The following RBFOX1 variants were observed in gnomAD, a reference collection of about 807,000 sequenced individuals.
The protein encoded by RBFOX1 is RNA binding protein fox-1 homolog 1.
A neutral mutation model predicts 57.7 loss-of-function variants in RBFOX1; 8 were observed. That is an observed-to-expected ratio of 0.14 (90% CI 0.08 to 0.25). The LOEUF (loss-of-function observed/expected upper bound fraction) is 0.25, where lower values mean the gene tolerates loss of function less well. RBFOX1 is among the 10% of genes least tolerant of loss of function. The probability of loss-of-function intolerance (pLI) is 1.00; values close to 1 mark genes in which losing one functional copy is unlikely to be tolerated. For synonymous variants in RBFOX1, 326 were observed against 222.4 expected (o/e 1.47, Z -4.15); for missense variants, 611 against 548.5 (o/e 1.11, Z -1.14).
chr16:6,841,228 G>C (rs961014561), intron 3 of RBFOX1, among the ~76,000 whole-genome samples: 1 of 152,000 alleles, frequency 6.6e-6, no homozygotes. Flanking sequence ...TTATAATAAT[G>C]GTCAGTTATC....
At chr16:5,613,388 C>A (rs756705684) in intron 3 of RBFOX1, among the ~76,000 whole-genome samples, 1 of 152,112 alleles carries the variant, frequency 6.6e-6, no homozygotes, top group South Asian at 2.1e-4. Flanking sequence ...GTGGGTGCAA[C>A]GTTACCCTCA....
chr16:6,684,896 A>G (rs1186318523), intron 3 of RBFOX1, among the ~76,000 whole-genome samples: 1 of 152,202 alleles, frequency 6.6e-6, no homozygotes, highest in Non-Finnish European at 1.5e-5. Context: ...TTCTCTATAC[A>G]TACGAAGTCC....
chr16:6,613,816 T>G (rs569888656), intron 2 of RBFOX1, among the ~76,000 whole-genome samples: 2 of 152,304 alleles, frequency 1.3e-5, no homozygotes, highest in Non-Finnish European at 2.9e-5. Flanking sequence ...TGTGTGCCTG[T>G]AATCCCAGCT....
intron 1 of RBFOX1, among the ~76,000 whole-genome samples, chr16:6,189,125 A>G (rs976204917): frequency 6.6e-6 from 1 of 152,208 alleles, no homozygotes. Context: ...AAATGGTTCC[A>G]TTTTCCATCT....
intron 3 of RBFOX1, among the ~76,000 whole-genome samples, chr16:6,663,070 G>C (rs1412070968): frequency 6.6e-6 from 1 of 152,164 alleles, no homozygotes; most frequent in Non-Finnish European, 1.5e-5. Flanking sequence ...TTGTGTGCAG[G>C]AGGGAACCAG....
intron 4 of RBFOX1, among the ~76,000 whole-genome samples, chr16:7,515,100 G>A (rs8047825): frequency 0.93 from 140,931 of 152,162 alleles, 65,669 homozygotes; most frequent in Middle Eastern, 0.98. Context: ...CTCTGGCACA[G>A]TGAATTTCTC....
chr16:6,364,943 C>A (rs1238506754), intron 2 of RBFOX1, among the ~76,000 whole-genome samples: 1 of 152,076 alleles, frequency 6.6e-6, no homozygotes, highest in Admixed American at 6.5e-5. Flanking sequence ...GAGCGCCCTA[C>A]TTCTGTTCAA....
intron 10 of RBFOX1, among the ~76,000 whole-genome samples, chr16:7,611,129 T>C (rs77019581): frequency 0.018 from 2,811 of 152,326 alleles, 39 homozygotes; most frequent in Non-Finnish European, 0.03. Context: ...TTCTGAAGCT[T>C]ATGCAGAATT....
chr16:6,176,312 AAT>A (rs2097008121), intron 1 of RBFOX1, among the ~76,000 whole-genome samples: 1 of 126,620 alleles, frequency 7.9e-6, no homozygotes, highest in African/African-American at 3.3e-5. Flanking sequence ...TGCCTGACCA[AAT>A]TTTTTTTTTT....
At chr16:6,773,570 G>T (rs1470154269) in intron 3 of RBFOX1, among the ~76,000 whole-genome samples, 10 of 144,856 alleles carry the variant, frequency 6.9e-5, no homozygotes, top group Non-Finnish European at 1.3e-4. Flanking sequence ...GTGTATGTGT[G>T]GGTGTGGGGT....
intron 3 of RBFOX1, among the ~76,000 whole-genome samples, chr16:7,023,180 A>G (rs960526849): frequency 2.0e-5 from 3 of 152,098 alleles, no homozygotes; most frequent in Admixed American, 6.6e-5. Context: ...GGTAATGACC[A>G]TTATGAAATG....
chr16:6,014,914 GGT>G, upstream of RBFOX1, among the ~76,000 whole-genome samples: 1 of 150,958 alleles, frequency 6.6e-6, no homozygotes, highest in Admixed American at 6.6e-5. Context: ...GGAGTACAGT[GGT>G]GTGGTTGCAG....
At chr16:7,529,086 C>G (rs1600979441) in intron 5 of RBFOX1, among the ~76,000 whole-genome samples, 2 of 152,144 alleles carry the variant, frequency 1.3e-5, no homozygotes, top group Non-Finnish European at 2.9e-5. Context: ...TGGTGAAACC[C>G]TGTCTCGACA....
At chr16:7,015,160 C>G (rs560829169) in intron 3 of RBFOX1, among the ~76,000 whole-genome samples, 14 of 152,278 alleles carry the variant, frequency 9.2e-5, no homozygotes, top group South Asian at 2.1e-4. Context: ...TTCTTAGTCA[C>G]TCTCAGTAGT....
chr16:5,422,739 A>G (rs1414690878), intron 1 of RBFOX1, among the ~76,000 whole-genome samples: 8 of 101,334 alleles, frequency 7.9e-5, no homozygotes, highest in Admixed American at 1.9e-4. Flanking sequence ...GGAGCAGGGA[A>G]AGGGATGGGG....
intron 3 of RBFOX1, among the ~76,000 whole-genome samples, chr16:6,669,313 T>C (rs552285922): frequency 1.5e-4 from 23 of 152,332 alleles, no homozygotes; most frequent in Non-Finnish European, 2.8e-4. Flanking sequence ...TCACTTCTTA[T>C]ATTGTGCTTC....
intron 1 of RBFOX1, among the ~76,000 whole-genome samples, chr16:5,451,277 A>G (rs2068418703): frequency 6.6e-6 from 1 of 152,218 alleles, no homozygotes; most frequent in South Asian, 2.1e-4. Context: ...CTGAAGGATC[A>G]GGAAATGAGA....
intron 3 of RBFOX1, among the ~76,000 whole-genome samples, chr16:6,842,970 GT>G (rs1426045778): frequency 1.3e-5 from 2 of 151,954 alleles, no homozygotes; most frequent in Non-Finnish European, 2.9e-5. Context: ...TGGTTTCCAG[GT>G]TCATCCATGT....
chr16:6,898,555 G>A (rs1324692279), intron 3 of RBFOX1, among the ~76,000 whole-genome samples: 1 of 152,158 alleles, frequency 6.6e-6, no homozygotes, highest in Non-Finnish European at 1.5e-5. Flanking sequence ...CATGGATTCT[G>A]CTGTGTTACA....
Sources: allele counts gnomAD v4.1 joint callset (sites outside exome capture counted in the v4.1 genomes callset), GRCh38; gene constraint gnomAD v4.1.1; transcripts MANE v1.5; gene names NCBI Gene and HGNC (gene_info 2026-07-23, HGNC 2026-07-21).